The following TECR variants were observed in gnomAD, a reference collection of about 807,000 sequenced individuals.
TECR encodes the protein trans-2,3-enoyl-CoA reductase.
TECR carries 19 observed loss-of-function variants against 50.6 expected under a neutral mutation model. That is an observed-to-expected ratio of 0.38 (90% confidence interval 0.26 to 0.55). The LOEUF (loss-of-function observed/expected upper bound fraction) is 0.55. TECR is among the 20% of genes least tolerant of loss of function. The probability of loss-of-function intolerance (pLI) is 0.79; values close to 1 mark genes in which losing one functional copy is unlikely to be tolerated. For missense variants in TECR, 313 were observed against 408.3 expected (o/e 0.77, Z 2.01); for synonymous variants, 168 against 163.5 (o/e 1.03, Z -0.21).
chr19:14,540,543 C>G lies in TECR; in HGVS notation c.15+10832C>G, dbSNP rs541308001. On this transcript the variant is annotated intron_variant, in intron 1 of 12. Coordinates refer to ENST00000215567, the MANE Select transcript of TECR (RefSeq NM_138501.6). Reference sequence around the variant, plus strand: ...AGTAGCTGGGATTACTGGTGCCCACCACCACACCCCACTAATTTTTGTATT... The same window carrying G: ...AGTAGCTGGGATTACTGGTGCCCACGACCACACCCCACTAATTTTTGTATT... 5.9e-5 allele frequency among the ~76,000 whole-genome samples: 9 copies of G among 152,172 alleles called. No individual in the cohort carries two copies. In the South Asian group the frequency reaches 8.3e-4, roughly 14 times the overall value.
intron 1 of TECR, 82 bp downstream of exon 1, chr19:14,529,793 T>G: frequency 6.3e-7 from 1 of 1,596,096 alleles, no homozygotes; most frequent in Admixed American, 1.7e-5. Flanking sequence ...GACCCCACTT[T>G]CTGGTCCTGT....
upstream of TECR, chr19:14,529,424 G>A: frequency 3.3e-6 from 2 of 610,180 alleles, no homozygotes; most frequent in Non-Finnish European, 3.0e-6. Flanking sequence ...TCCTACAGGC[G>A]TTCCGCCCCC....
At chr19:14,551,323 C>T (rs929133526) in intron 1 of TECR, among the ~76,000 whole-genome samples, 3 of 152,124 alleles carry the variant, frequency 2.0e-5, no homozygotes, top group African/African-American at 7.2e-5. Context: ...GATCCACCCA[C>T]CTCGGCCTCC....
chr19:14,542,989 CTTTTTTTTT>C (rs572624462), intron 1 of TECR, among the ~76,000 whole-genome samples: 6 of 102,266 alleles, frequency 5.9e-5, no homozygotes, highest in Non-Finnish European at 7.9e-5. Context: ...CTTCCAAATT[CTTTTTTTTT>C]TTTTTTTCCA....
At chr19:14,544,871 G>A (rs891628289) in intron 1 of TECR, among the ~76,000 whole-genome samples, 1 of 152,060 alleles carries the variant, frequency 6.6e-6, no homozygotes, top group African/African-American at 2.4e-5. Flanking sequence ...GGGCTCCAGT[G>A]ATCCTCCTGC....
At chr19:14,542,743 A>C (rs1262569504) in intron 1 of TECR, among the ~76,000 whole-genome samples, 2 of 152,022 alleles carry the variant, frequency 1.3e-5, no homozygotes, top group Non-Finnish European at 2.9e-5. Flanking sequence ...TGTGGGGCTT[A>C]CTGGGAGCAG....
chr19:14,543,660 G>A (rs920969172), intron 1 of TECR, among the ~76,000 whole-genome samples: 1 of 149,920 alleles, frequency 6.7e-6, no homozygotes, highest in Non-Finnish European at 1.5e-5. Flanking sequence ...GGATGGTCTC[G>A]ATCTCCTGAC....
chr19:14,550,110 C>T (rs1174025979), intron 1 of TECR, among the ~76,000 whole-genome samples: 3 of 151,974 alleles, frequency 2.0e-5, no homozygotes, highest in Non-Finnish European at 4.4e-5. Context: ...GAGTTCCATG[C>T]GAGCAGGGAT....
intron 1 of TECR, among the ~76,000 whole-genome samples, chr19:14,556,954 TG>T (rs1169727044): frequency 2.6e-5 from 4 of 152,180 alleles, no homozygotes; most frequent in African/African-American, 9.6e-5. Context: ...TGTGACCAGC[TG>T]GGCGAGGCAT....
chr19:14,536,076 C>G (rs934151992), intron 1 of TECR, among the ~76,000 whole-genome samples: 1 of 152,044 alleles, frequency 6.6e-6, no homozygotes, highest in African/African-American at 2.4e-5. Flanking sequence ...GATGAGGGAC[C>G]TGAGACCCAG....
chr19:14,564,444 G>A (rs1413055653), intron 7 of TECR, among the ~76,000 whole-genome samples, 157 bp downstream of exon 7: 1 of 73,198 alleles, frequency 1.4e-5, no homozygotes, highest in Non-Finnish European at 2.6e-5. Flanking sequence ...CCCCGCCCTC[G>A]CAGAGCCTCT....
intron 1 of TECR, among the ~76,000 whole-genome samples, chr19:14,541,074 A>C (rs11085896): frequency 0.57 from 86,931 of 151,710 alleles, 25,594 homozygotes; most frequent in South Asian, 0.68. Flanking sequence ...GATCTGCCCA[A>C]CTTGGCCTCC....
chr19:14,551,418 C>T (rs2073500807), intron 1 of TECR, among the ~76,000 whole-genome samples: 1 of 152,086 alleles, frequency 6.6e-6, no homozygotes, highest in Admixed American at 6.6e-5. Flanking sequence ...ACATGTTGCA[C>T]AGGCTGCAGG....
intron 11 of TECR, 38 bp from the exon 12 acceptor site, chr19:14,565,580 C>T (rs765237991): frequency 5.0e-6 from 8 of 1,595,132 alleles, no homozygotes; most frequent in Admixed American, 3.4e-5. Context: ...ACACGGGTTG[C>T]GAGGCTGCCC....
chr19:14,559,504 T>A (rs1049089352), intron 1 of TECR, among the ~76,000 whole-genome samples: 1 of 152,016 alleles, frequency 6.6e-6, no homozygotes, highest in African/African-American at 2.4e-5. Flanking sequence ...GAAATAATTA[T>A]AGGCCGGGCC....
Position 14,563,171 on chromosome 19 carries a change from C to T in TECR, c.67-35C>T. On this transcript the variant is annotated intron_variant, in intron 2 of 12. Transcript: ENST00000215567. This position sits in a 1 kb window ranked among gnomAD's most constrained non-coding sequence, Gnocchi z 5.3. ...CCCCATCCTGAGTCTGGGCTCCCCG[C>T]AGAGCTGACGTCCCTGCGCCTGTGC... The T allele has an allele frequency of 1.2e-6, 2 of 1,613,896 alleles. No individual in the cohort carries two copies. The highest frequency in any genetic ancestry group is 4.5e-5 in the East Asian group (2 of 44,874).
At chr19:14,554,971 G>A (rs971011989) in intron 1 of TECR, among the ~76,000 whole-genome samples, 2 of 151,468 alleles carry the variant, frequency 1.3e-5, no homozygotes, top group African/African-American at 4.8e-5. Context: ...TAGAGATGGG[G>A]TTTCACCATG....
chr19:14,538,498 A>G (rs1273362285), intron 1 of TECR, among the ~76,000 whole-genome samples: 1 of 150,782 alleles, frequency 6.6e-6, no homozygotes, highest in Admixed American at 6.6e-5. Flanking sequence ...TGCTTTTGGC[A>G]CCTGACCTCT....
chr19:14,539,675 A>G (rs2073029114), intron 1 of TECR, among the ~76,000 whole-genome samples: 1 of 151,948 alleles, frequency 6.6e-6, no homozygotes, highest in Admixed American at 6.6e-5. Context: ...TTCCTGCCCT[A>G]AGCACATGCT....
Sources: allele counts gnomAD v4.1 joint callset (sites outside exome capture counted in the v4.1 genomes callset), GRCh38; gene constraint gnomAD v4.1.1; non-coding constraint Gnocchi (gnomAD v3.1); transcripts MANE v1.5; gene names NCBI Gene and HGNC (gene_info 2026-07-23, HGNC 2026-07-21).